The following TOP2B variants were observed in gnomAD, a reference collection of about 807,000 sequenced individuals.
The protein encoded by TOP2B is DNA topoisomerase II beta.
TOP2B carries 51 observed loss-of-function variants against 193.5 expected under a neutral mutation model. The ratio of observed to expected loss-of-function variants is 0.26; its 90% CI spans 0.21 to 0.33. TOP2B has a LOEUF of 0.33. Ranked by LOEUF, TOP2B falls within the 10% of genes least tolerant of loss-of-function variation. TOP2B has a pLI of 1.00. For missense variants in TOP2B, 1,378 were observed against 1,909.3 expected (o/e 0.72, Z 5.19); for synonymous variants, 634 against 635.7 (o/e 1.00, Z 0.04).
At chr3:25,599,404 T>G in intron 35 of TOP2B, 31 bp downstream of exon 35, 1 of 1,599,872 alleles carries the variant, frequency 6.3e-7, no homozygotes, top group Non-Finnish European at 8.5e-7. Context: ...TAAAAAGCCA[T>G]GCACTAATAT....
In TOP2B at chr3:25,618,642, G is replaced by A; in HGVS notation, c.3259+12C>T. The A allele has an allele frequency of 1.3e-6, 2 of 1,589,106 alleles. No homozygotes were observed. Among genetic ancestry groups the A allele is most frequent in the Non-Finnish European group, 1.7e-6 (2 of 1,170,776 alleles). ...TTAACTAATGTTCAAATTTTTAAAG[G>A]TTGTATCTTACCTATAGTAATTTTC... On this transcript the variant is annotated intron_variant, in intron 24 of 35. Coordinates refer to ENST00000264331, the MANE Select transcript of TOP2B (RefSeq NM_001330700.2).
In TOP2B at chr3:25,664,626, G is replaced by C. The variant is rs1704036200; in HGVS notation, c.-329C>G. ...GCCCGCGGGCGCCGCTGCAGGCCGG[G>C]CTGAAGCCCGGGCGTGCGAGCCGCG... On this transcript the variant is annotated 5_prime_UTR_variant, in exon 1 of 36. Transcript: ENST00000264331. The C allele has an allele frequency of 1.0e-6, 1 of 991,822 alleles. No homozygotes were observed. The highest frequency in any genetic ancestry group is 1.7e-5 in the African/African-American group (1 of 57,280). 61.4% of individuals were successfully genotyped at this position (991,822 alleles called of 1,614,324 possible).
At chr3:25,626,750 G>T in intron 17 of TOP2B, 22 bp downstream of exon 17, 2 of 1,577,386 alleles carry the variant, frequency 1.3e-6, no homozygotes, top group Non-Finnish European at 1.7e-6. Context: ...CTTTCCCCAG[G>T]TCACCACTCT....
In TOP2B at chr3:25,624,271, A is replaced by C. The variant is rs753873268; in HGVS notation, c.2495+26T>G. On this transcript the variant is annotated intron_variant, in intron 20 of 35. Transcript: ENST00000264331. Reference sequence around the variant, plus strand: ...TTGGTTCCAAATCAAATCAAACTTTATACCATTATATCAGCAAATATTTAC... The same window carrying C: ...TTGGTTCCAAATCAAATCAAACTTTCTACCATTATATCAGCAAATATTTAC... 4.3e-6 allele frequency: 7 copies of C among 1,611,884 alleles called. No homozygotes were observed. The South Asian group carries it at 7.7e-5, about 18-fold the overall frequency.
chr3:25,622,882 TCCAC>T, intron 21 of TOP2B, among the ~76,000 whole-genome samples: 1 of 152,312 alleles, frequency 6.6e-6, no homozygotes, highest in East Asian at 1.9e-4. Flanking sequence ...CCTCAGGTGA[TCCAC>T]CCACCTCGGC....
At chr3:25,599,960 T>G (rs1047691094) in intron 34 of TOP2B, among the ~76,000 whole-genome samples, 1 of 152,216 alleles carries the variant, frequency 6.6e-6, no homozygotes. Context: ...TGTAATCACA[T>G]GCTGTTTTAG....
In TOP2B at chr3:25,601,107, T is replaced by C; in HGVS notation, c.4608A>G (p.Thr1536=). Residue 1536 remains threonine, a synonymous_variant, in exon 34 of 36, where the codon ACA becomes ACG. Coordinates refer to ENST00000264331, the MANE Select transcript of TOP2B (RefSeq NM_001330700.2). ...TAAGAAGATAATCCTCACCTTTTGG[T>C]GTTGTAGTCTTCTTTGGAATGCCAA... ...SEFGIPKKTT[T]PKGKGRGAKK... is the part of the protein sequence containing the mutation. 1.2e-6 allele frequency: 2 copies of C among 1,613,502 alleles called. No individual in the cohort carries two copies. Among genetic ancestry groups the C allele is most frequent in the Non-Finnish European group, 1.7e-6 (2 of 1,179,580 alleles).
chr3:25,605,588 G>A (rs1017355827), intron 32 of TOP2B, among the ~76,000 whole-genome samples: 2 of 151,936 alleles, frequency 1.3e-5, no homozygotes, highest in South Asian at 2.1e-4. Flanking sequence ...AAAAAAATAC[G>A]AAACAAGAAG....
chr3:25,627,095 A>G, intron 16 of TOP2B, 92 bp downstream of exon 16: 1 of 928,664 alleles, frequency 1.1e-6, no homozygotes, highest in Non-Finnish European at 1.6e-6. Context: ...AGCATTCAAA[A>G]GAGACTTATC....
At chr3:25,635,669 T>A (rs1430330630) in intron 7 of TOP2B, among the ~76,000 whole-genome samples, 1 of 151,858 alleles carries the variant, frequency 6.6e-6, no homozygotes, top group Non-Finnish European at 1.5e-5. Flanking sequence ...AAAGTGGAAG[T>A]AGAGTGAATA....
At chr3:25,636,289 T>A in intron 6 of TOP2B, 141 bp from the exon 7 acceptor site, 1 of 610,822 alleles carries the variant, frequency 1.6e-6, no homozygotes, top group Non-Finnish European at 2.7e-6. Flanking sequence ...TCCTTGATAA[T>A]ATTACAGACA....
intron 1 of TOP2B, among the ~76,000 whole-genome samples, chr3:25,661,190 G>T (rs1703899668): frequency 6.6e-6 from 1 of 152,036 alleles, no homozygotes; most frequent in African/African-American, 2.4e-5. Flanking sequence ...GTAGAGATGG[G>T]GTTTCTCCAT....
intron 4 of TOP2B, among the ~76,000 whole-genome samples, chr3:25,641,941 A>G (rs1231772404): frequency 6.6e-6 from 1 of 152,194 alleles, no homozygotes; most frequent in African/African-American, 2.4e-5. Flanking sequence ...AATCTATTAA[A>G]TTATGTCATA....
chr3:25,610,368 G>C (rs903605261), intron 28 of TOP2B, among the ~76,000 whole-genome samples: 1 of 152,108 alleles, frequency 6.6e-6, no homozygotes, highest in Non-Finnish European at 1.5e-5. Context: ...GGCTGGTACA[G>C]CCATGGCCCA....
At chr3:25,622,633 A>T (rs2125367690) in intron 21 of TOP2B, among the ~76,000 whole-genome samples, 2 of 151,590 alleles carry the variant, frequency 1.3e-5, no homozygotes, top group South Asian at 4.2e-4. Context: ...TAAAAAAAAA[A>T]TGGGGATTTT....
rs376501583 is a variant in TOP2B, at chr3:25,633,859, A to T, written c.1008T>A (p.Asn336Lys). 6.2e-7 allele frequency: 1 copy of T among 1,611,590 alleles called. No individual in the cohort carries two copies. Among genetic ancestry groups the T allele is most frequent in the Non-Finnish European group, 8.5e-7 (1 of 1,178,832 alleles). ...EKGFQQISFV[N>K]SIATTKGGRH... ...TACTTACTTTTGTAGTTGCAATACT[A>T]TTTACAAAGCTGATTTGCTGGAATC... The change falls in exon 8 of 36, where the codon AAT becomes AAA. Residue 336 changes from asparagine (N) to lysine (K), a missense_variant. Transcript: ENST00000264331.
intron 10 of TOP2B, among the ~76,000 whole-genome samples, chr3:25,632,049 T>C (rs1702974972): frequency 6.6e-6 from 1 of 151,900 alleles, no homozygotes; most frequent in African/African-American, 2.4e-5. Flanking sequence ...ATGTAGAAAA[T>C]AGTACATTTT....
chr3:25,645,787 T>C (rs1703397462), intron 1 of TOP2B, among the ~76,000 whole-genome samples: 1 of 152,054 alleles, frequency 6.6e-6, no homozygotes. Context: ...TGAGACAGAG[T>C]CTTGCTCTGT....
At chr3:25,619,630 T>G (rs1262449091) in intron 23 of TOP2B, among the ~76,000 whole-genome samples, 3 of 151,898 alleles carry the variant, frequency 2.0e-5, no homozygotes, top group African/African-American at 7.3e-5. Context: ...GTGTGTATCC[T>G]GTGTTTTCAA....
Sources: allele counts gnomAD v4.1 joint callset (sites outside exome capture counted in the v4.1 genomes callset), GRCh38; gene constraint gnomAD v4.1.1; transcripts MANE v1.5; gene names NCBI Gene and HGNC (gene_info 2026-07-23, HGNC 2026-07-21).